The following YBX2 variants were observed in gnomAD, a reference collection of about 807,000 sequenced individuals.
The protein encoded by YBX2 is Y-box binding protein 2.
A neutral mutation model predicts 44.4 loss-of-function variants in YBX2; 5 were observed. The observed-to-expected ratio is 0.11, with a 90% CI of 0.06 to 0.24. The LOEUF is 0.24. YBX2 is among the 10% of genes least tolerant of loss of function. The pLI is 1.00. For missense variants in YBX2, 417 were observed against 526.9 expected (o/e 0.79, Z 2.04); for synonymous variants, 188 against 216.1 (o/e 0.87, Z 1.14).
At position 7,291,423 on chromosome 17, in the gene YBX2, C is replaced by A. The variant is rs535286256; in HGVS notation, c.370-241G>T. The A allele has an allele frequency of 1.2e-4, 69 of 559,114 alleles. 1 individual carries two copies. The South Asian group carries it at 1.4e-3, about 11-fold the overall frequency. The allele number at this position is 559,114 out of a possible 1,614,324, so 34.6% of individuals were successfully genotyped here. ...TCCCCGCACCTCCCCTCCCGCCCCG[C>A]TTTACCCCTCAGGGATTTCAGAAAG... is the stretch of plus-strand genomic sequence containing the variant. On this transcript the variant is annotated intron_variant, in intron 3 of 8. Transcript: ENST00000007699. This position sits in a 1 kb window ranked among gnomAD's most constrained non-coding sequence, Gnocchi z 5.8.
Position 7,291,519 on chromosome 17 carries a change from C to T in YBX2, c.370-337G>A. The T allele has an allele frequency of 2.4e-6, 1 of 417,362 alleles. No individual in the cohort carries two copies. The highest frequency in any genetic ancestry group is 2.1e-5 in the South Asian group (1 of 47,452). The allele number at this position is 417,362 out of a possible 1,614,324, so 25.9% of individuals were successfully genotyped here. A position where few individuals can be genotyped will look rare whatever the true frequency, so the allele number is the denominator to read the frequency against. ...TCAGTCGCAAAGTGGGTAGAATGCA[C>T]TGTGCTTCTTACCTCAGTCCCAGTG... On this transcript the variant is annotated intron_variant, in intron 3 of 8. Coordinates refer to ENST00000007699, the MANE Select transcript of YBX2 (RefSeq NM_015982.4). This position sits in a 1 kb window ranked among gnomAD's most constrained non-coding sequence, Gnocchi z 5.8.
intron 7 of YBX2, 41 bp from the exon 8 acceptor site, chr17:7,288,879 T>G (rs222841): frequency 0.68 from 1,101,935 of 1,611,878 alleles, 386,856 homozygotes; most frequent in Non-Finnish European, 0.73. Flanking sequence ...GTTCTTTTTG[T>G]TTTTGAGACA....
Position 7,294,122 on chromosome 17 carries a change from C to A in YBX2, c.271+108G>T, listed in dbSNP as rs2072521370. ...CTCCCAGCCCAGTTAGCGCTCTGGG[C>A]CTGCGGGCCAGGCCGCCTTTGGTTT... On this transcript the variant is annotated intron_variant, in intron 1 of 8. Coordinates refer to ENST00000007699, the MANE Select transcript of YBX2 (RefSeq NM_015982.4). The surrounding 1 kb of genome is among the most constrained non-coding windows in gnomAD (Gnocchi z 4.6). 14 of 1,174,558 alleles carry A rather than the reference C, an allele frequency of 1.2e-5. No individual in the cohort carries two copies. The highest frequency in any genetic ancestry group is 3.3e-5 in the East Asian group (1 of 30,484). 72.8% of individuals were successfully genotyped at this position (1,174,558 alleles called of 1,614,324 possible). A position where few individuals can be genotyped will look rare whatever the true frequency, so the allele number is the denominator to read the frequency against.
At position 7,291,077 on chromosome 17, in the gene YBX2, A is replaced by G; in HGVS notation, c.459+16T>C. On this transcript the variant is annotated intron_variant, in intron 4 of 8. Coordinates refer to ENST00000007699, the MANE Select transcript of YBX2 (RefSeq NM_015982.4). The surrounding 1 kb of genome is among the most constrained non-coding windows in gnomAD (Gnocchi z 5.8). ...GTAAGCCTAGTCAACTCTATACCCC[A>G]TAGCAGTCCCCAAACCTTCTCTCCT... 3 of 1,611,832 alleles carry G rather than the reference A, an allele frequency of 1.9e-6. No individual in the cohort carries two copies. Among genetic ancestry groups the G allele is most frequent in the African/African-American group, 1.3e-5 (1 of 74,930 alleles).
intron 6 of YBX2, 82 bp downstream of exon 6, chr17:7,289,886 T>G: frequency 6.3e-7 from 1 of 1,595,804 alleles, no homozygotes; most frequent in Non-Finnish European, 8.6e-7. Flanking sequence ...TGCCTAGAGC[T>G]TCACCCTTCC....
intron 7 of YBX2, among the ~76,000 whole-genome samples, chr17:7,289,267 G>T (rs1366666586): frequency 1.3e-5 from 2 of 149,268 alleles, no homozygotes; most frequent in East Asian, 3.9e-4. Flanking sequence ...CTGGTAGGAT[G>T]GCTCCAGGCA....
In YBX2 at chr17:7,292,059, C is replaced by T. The variant is rs2072505026; in HGVS notation, c.336G>A (p.Arg112=). 1 of 1,614,128 alleles carries T rather than the reference C, an allele frequency of 6.2e-7. No individual in the cohort carries two copies. Among genetic ancestry groups the T allele is most frequent in the South Asian group, 1.1e-5 (1 of 91,078 alleles). ...CAAAGACATCTTCCTTGGTGTCATT[C>T]CTGCAGAACAGGATGGGTCGTTAAG... The part of the protein sequence containing the change: ...NVRNGYGFIN[R]NDTKEDVFVH... The change falls in exon 3 of 9, where the codon AGG becomes AGA. Residue 112 remains arginine (R), a splice_region_variant and synonymous_variant. Transcript: ENST00000007699.
At chr17:7,289,294 T>G (rs2072478999) in intron 7 of YBX2, among the ~76,000 whole-genome samples, 2 of 88,690 alleles carry the variant, frequency 2.3e-5, no homozygotes. Flanking sequence ...GGGGGATGGG[T>G]TGGGGGGGGC....
At chr17:7,288,686 C>T (rs2072472977) in intron 8 of YBX2, 43 bp from the exon 9 acceptor site, 1 of 1,387,064 alleles carries the variant, frequency 7.2e-7, no homozygotes, top group Non-Finnish European at 1.0e-6. Context: ...ACAACAGCGA[C>T]TTGTCATCGC....
chr17:7,289,552 G>A lies in YBX2; in HGVS notation c.1022C>T (p.Pro341Leu). Residue 341 changes from proline to leucine, a missense_variant, in exon 7 of 9, where the codon CCC becomes CTC. By Grantham distance (98) the Pro-to-Leu change is moderately conservative. Transcript: ENST00000007699. ...QAPGPQQAPG[P>L]RQPAAPETSA... is the part of the protein sequence containing the mutation. The stretch of plus-strand genomic sequence containing the variant: ...CACCTCAGGGGCTGCGGGCTGCCGG[G>A]GGCCAGGGGCCTGCTGGGGGCCAGG... 7 of 1,604,028 alleles carry A rather than the reference G, an allele frequency of 4.4e-6. No homozygotes were observed. Among genetic ancestry groups the A allele is most frequent in the Middle Eastern group, 1.7e-4 (1 of 5,786 alleles).
Position 7,294,261 on chromosome 17 carries a change from C to T in YBX2, c.240G>A (p.Pro80=), listed in dbSNP as rs1042314504. The T allele has an allele frequency of 5.7e-5, 47 of 828,710 alleles. No homozygotes were observed. Among genetic ancestry groups the T allele is most frequent in the Non-Finnish European group, 6.9e-5 (45 of 649,506 alleles). 51.3% of individuals were successfully genotyped at this position (828,710 alleles called of 1,614,324 possible). A position where few individuals can be genotyped will look rare whatever the true frequency, so the allele number is the denominator to read the frequency against. Residue 80 remains proline (P), a synonymous_variant, in exon 1 of 9, where the codon CCG becomes CCA. Coordinates refer to ENST00000007699, the MANE Select transcript of YBX2 (RefSeq NM_015982.4). This position sits in a 1 kb window ranked among gnomAD's most constrained non-coding sequence, Gnocchi z 4.6. ...ATAVSGTPAP[P]ARSQADKPVL... The stretch of plus-strand genomic sequence containing the variant: ...CCGGCTTGTCCGCCTGACTCCGGGC[C>T]GGGGGGGCGGGGGTTCCCGAGACCG...
chr17:7,292,336 C>T, intron 2 of YBX2: 1 of 472,986 alleles, frequency 2.1e-6, no homozygotes, highest in Non-Finnish European at 3.9e-6. Flanking sequence ...CCTCAGACAG[C>T]TCTGCCCCTG....
chr17:7,290,961 G>T, intron 4 of YBX2, 132 bp downstream of exon 4: 1 of 894,582 alleles, frequency 1.1e-6, no homozygotes. Context: ...GAGGACATCA[G>T]GGTGAGAGAA....
chr17:7,289,570 G>T lies in YBX2; in HGVS notation c.1004C>A (p.Pro335His). The T allele has an allele frequency of 6.2e-7, 1 of 1,610,122 alleles. No individual in the cohort carries two copies. The highest frequency in any genetic ancestry group is 8.5e-7 in the Non-Finnish European group (1 of 1,178,646). ...CTGCCGGGGGCCAGGGGCCTGCTGG[G>T]GGCCAGGGGCCTGCTGCCGTCTCCG... ...FQRRRQQAPG[P>H]QQAPGPRQPA... The change falls in exon 7 of 9, where the codon CCC (proline) becomes CAC (histidine). Residue 335 changes from proline to histidine, a missense_variant. Physicochemically the swap from Pro to His is moderately conservative, Grantham distance 77 (BLOSUM62 -2). Around this residue, in one of 3 missense-constraint regions of YBX2, gnomAD observed 257 missense variants for 261.7 expected, o/e 0.98. Coordinates refer to ENST00000007699, the MANE Select transcript of YBX2 (RefSeq NM_015982.4).
rs765330887 is a variant in YBX2 at position 7,289,694 on chromosome 17, T to G, written c.880A>C (p.Thr294Pro). 3 of 1,613,404 alleles carry G rather than the reference T, an allele frequency of 1.9e-6. No homozygotes were observed. Among genetic ancestry groups the G allele is most frequent in the Admixed American group, 3.3e-5 (2 of 59,922 alleles). Residue 294 changes from threonine to proline, a missense_variant, in exon 7 of 9, where the codon ACC becomes CCC. Physicochemically the swap from Thr to Pro is conservative, Grantham distance 38 (BLOSUM62 -1). Coordinates refer to ENST00000007699, the MANE Select transcript of YBX2 (RefSeq NM_015982.4). Reference protein sequence around the residue: ...PFRPRPRQQPTTEGGDGETKP... With the variant: ...PFRPRPRQQPPTEGGDGETKP... ...GTCTCACCATCCCCACCTTCTGTGG[T>G]AGGCTGCTGGCGTGGCCTGGGGCGG...
At chr17:7,292,002 T>A in intron 3 of YBX2, 24 bp downstream of exon 3, 1 of 1,614,106 alleles carries the variant, frequency 6.2e-7, no homozygotes, top group Non-Finnish European at 8.5e-7. Flanking sequence ...GTTCTTCCCC[T>A]CAGAAAGCTA....
chr17:7,294,619 C>A lies in YBX2; in HGVS notation c.-119G>T. 1 of 1,170,940 alleles carries A rather than the reference C, an allele frequency of 8.5e-7. No homozygotes were observed. The highest frequency in any genetic ancestry group is 3.7e-5 in the South Asian group (1 of 27,008). The allele number at this position is 1,170,940 out of a possible 1,614,324, so 72.5% of individuals were successfully genotyped here. ...GCCTCGCCCACACGCCGGCAGCGGG[C>A]CCGGAGCCGAGGCCAATGGCAGCCC... On this transcript the variant is annotated 5_prime_UTR_variant, in exon 1 of 9. Transcript: ENST00000007699. This position sits in a 1 kb window ranked among gnomAD's most constrained non-coding sequence, Gnocchi z 4.6.
rs755060872 is a variant in YBX2 at position 7,292,112 on chromosome 17, CCTCA to C, written c.336-57_336-54del. 5.9e-5 allele frequency: 94 copies of C among 1,596,476 alleles called. No homozygotes were observed. In the African/African-American group the frequency reaches 6.0e-4, roughly 10 times the overall value. ...AGGGACTTCAACAAAGCCCTCAGCT[CCTCA>C]CTGAGGTCCCCCTAGATGCCCAGTC... On this transcript the variant is annotated intron_variant, in intron 2 of 8. Coordinates refer to ENST00000007699, the MANE Select transcript of YBX2 (RefSeq NM_015982.4).
Sources: gnomAD v4.1 joint callset for allele counts (sites outside exome capture counted in the v4.1 genomes callset) on GRCh38, gnomAD v4.1.1 for gene constraint, gnomAD v4.1.1 regional missense constraint, Gnocchi (gnomAD v3.1) non-coding constraint, MANE v1.5 for transcripts, NCBI Gene and HGNC (gene_info 2026-07-23, HGNC 2026-07-21) for gene names.